SEC23A: variants seen among roughly 807,000 people sequenced by gnomAD.
The protein encoded by SEC23A is SEC23 homolog A, COPII component.
A neutral mutation model predicts 103.7 loss-of-function variants in SEC23A; 56 were observed. The observed-to-expected ratio is 0.54, with a 90% CI of 0.44 to 0.67. The LOEUF (loss-of-function observed/expected upper bound fraction) is 0.67, where lower values mean the gene tolerates loss of function less well. Among genes scored for constraint, SEC23A ranks in the 30% least tolerant of loss-of-function variants. SEC23A has a pLI of 0.00. For synonymous variants in SEC23A, 281 were observed against 293.0 expected (o/e 0.96, Z 0.42); for missense variants, 784 against 936.4 (o/e 0.84, Z 2.12).
intron 7 of SEC23A, among the ~76,000 whole-genome samples, chr14:39,077,197 T>TCC (rs1376404325): frequency 1.7e-5 from 2 of 115,568 alleles, no homozygotes; most frequent in South Asian, 2.9e-4. Flanking sequence ...CACTGCACCT[T>TCC]AGCCTGGGCA....
In SEC23A at chr14:39,093,251, T is replaced by C; in HGVS notation, c.222-7A>G. ...TGCTCGATAATCCACTTGACTGTTT[T>C]AAAAAAAAAGAAAAGACATATCAGT... On this transcript the variant is annotated splice_polypyrimidine_tract_variant and splice_region_variant and intron_variant, in intron 2 of 19. Transcript: ENST00000307712. 2 of 1,593,390 alleles carry C rather than the reference T, an allele frequency of 1.3e-6. No individual in the cohort carries two copies. The highest frequency in any genetic ancestry group is 1.7e-6 in the Non-Finnish European group (2 of 1,167,690).
chr14:39,067,854 G>A (rs1291036755), intron 9 of SEC23A, among the ~76,000 whole-genome samples: 1 of 151,606 alleles, frequency 6.6e-6, no homozygotes, highest in African/African-American at 2.4e-5. Flanking sequence ...TTTTTTTGTA[G>A]AGATAGGGTT....
rs139104327 is a variant in SEC23A, at chr14:39,099,519, G to T, written c.-21-3380C>A. Among the ~76,000 whole-genome samples the T allele has an allele frequency of 2.0e-4, 31 of 152,198 alleles. No individual in the cohort carries two copies. The East Asian group carries it at 5.4e-3, about 27-fold the overall frequency. ...GCTTGACAAGTTCCTAATATGTAAAGATTTTTCTGATGAGATCAGTGTTGG... is the reference window on the plus strand; with the variant it reads ...GCTTGACAAGTTCCTAATATGTAAATATTTTTCTGATGAGATCAGTGTTGG... On this transcript the variant is annotated intron_variant, in intron 1 of 19. Transcript: ENST00000307712.
rs1452611465 is a variant in SEC23A, at chr14:39,048,707, T to C, written c.1682A>G (p.His561Arg). Residue 561 changes from histidine (H) to arginine (R), a missense_variant, in exon 15 of 20, where the codon CAT (histidine) becomes CGT (arginine). His to Arg is a conservative substitution (Grantham distance 29). Around this residue, in one of 2 missense-constraint regions of SEC23A, gnomAD observed 683 missense variants for 774.2 expected, o/e 0.88. Transcript: ENST00000307712. ...TCTGAAGGAACTTGGGTCATCTTTA[T>C]GATATTCTCCAAATTTCTGACACTA... ...IRLCQKFGEYHKDDPSSFRFS... is the reference protein window; with the variant it reads ...IRLCQKFGEYRKDDPSSFRFS... The C allele has an allele frequency of 6.3e-7, 1 of 1,586,130 alleles. No homozygotes were observed.
At chr14:39,045,800 T>G (rs1488720883) in intron 15 of SEC23A, among the ~76,000 whole-genome samples, 4 of 152,240 alleles carry the variant, frequency 2.6e-5, no homozygotes, top group Admixed American at 6.5e-5. Flanking sequence ...TGACCATATC[T>G]TTGGGCTTTT....
intron 1 of SEC23A, among the ~76,000 whole-genome samples, chr14:39,098,905 A>T (rs72673307): frequency 0.1 from 15,952 of 152,006 alleles, 984 homozygotes; most frequent in African/African-American, 0.17. Context: ...AACAAAAAAA[A>T]AAAATAAAAT....
At chr14:39,038,429 A>G (rs1269710204) in intron 19 of SEC23A, among the ~76,000 whole-genome samples, 2 of 152,220 alleles carry the variant, frequency 1.3e-5, no homozygotes, top group African/African-American at 2.4e-5. Flanking sequence ...GGCATGGGTA[A>G]TAACTGCACC....
At position 39,061,840 on chromosome 14, in the gene SEC23A, C is replaced by A. The variant is rs1886491609; in HGVS notation, c.1430G>T (p.Gly477Val). The change falls in exon 13 of 20, where the codon GGT becomes GTT. Residue 477 changes from glycine to valine, a missense_variant. Physicochemically the swap from Gly to Val is moderately radical, Grantham distance 109 (BLOSUM62 -3). This residue lies in a region of SEC23A where 683 missense variants were observed against 774.2 expected (regional missense o/e 0.88). Transcript: ENST00000307712. ...HNAPIPQGGR[G>V]AIQFVTQYQH... ...ATACTGAGTCACAAACTGGATTGCA[C>A]CACGCCCTCCTTGAGGAATTGGAGC... 6.2e-7 allele frequency: 1 copy of A among 1,613,732 alleles called. No homozygotes were observed. The highest frequency in any genetic ancestry group is 1.3e-5 in the African/African-American group (1 of 74,912).
chr14:39,048,123 T>C (rs978640985), intron 15 of SEC23A, among the ~76,000 whole-genome samples: 1 of 152,166 alleles, frequency 6.6e-6, no homozygotes. Flanking sequence ...GGTTCCAGAA[T>C]AAGTCTCTAT....
intron 3 of SEC23A, 62 bp downstream of exon 3, chr14:39,093,125 C>G (rs1379781240): frequency 7.0e-7 from 1 of 1,419,418 alleles, no homozygotes; most frequent in Non-Finnish European, 9.9e-7. Context: ...CCTCGGCCTC[C>G]CAAAGTGCTG....
In SEC23A at chr14:39,041,037, T is replaced by C. The variant is rs564232267; in HGVS notation, c.1987-150A>G. On this transcript the variant is annotated intron_variant, in intron 17 of 19. Coordinates refer to ENST00000307712, the MANE Select transcript of SEC23A (RefSeq NM_006364.4). Reference sequence around the variant, plus strand: ...AATTTTTTAAAAGTTACAATTTCAGTAGAGAAAATATTCTTAATAAATATA... The same window carrying C: ...AATTTTTTAAAAGTTACAATTTCAGCAGAGAAAATATTCTTAATAAATATA... 4 of 730,330 alleles carry C rather than the reference T, an allele frequency of 5.5e-6. No homozygotes were observed. In the South Asian group the frequency reaches 7.8e-5, roughly 14 times the overall value. The allele number at this position is 730,330 out of a possible 1,614,324, so 45.2% of individuals were successfully genotyped here.
chr14:39,091,745 T>C (rs377271642), intron 4 of SEC23A, 32 bp from the exon 5 acceptor site: 11 of 1,461,846 alleles, frequency 7.5e-6, no homozygotes, highest in Non-Finnish European at 9.6e-6. Context: ...AGAAAAAATA[T>C]GTAGTTTAAA....
chr14:39,077,643 C>A (rs1447509411), intron 7 of SEC23A, among the ~76,000 whole-genome samples: 2 of 152,156 alleles, frequency 1.3e-5, no homozygotes, highest in Admixed American at 6.5e-5. Context: ...GGATTGAATA[C>A]CCCAATCTAC....
intron 7 of SEC23A, 89 bp downstream of exon 7, chr14:39,085,673 T>C: frequency 1.3e-6 from 2 of 1,490,130 alleles, no homozygotes; most frequent in Non-Finnish European, 1.8e-6. Flanking sequence ...GTTCTTCTTA[T>C]CCTTATAATT....
In SEC23A at chr14:39,075,978, T is replaced by G; in HGVS notation, c.944A>C (p.Asp315Ala). The G allele has an allele frequency of 1.2e-6, 2 of 1,614,028 alleles. No homozygotes were observed. Among genetic ancestry groups the G allele is most frequent in the Non-Finnish European group, 1.7e-6 (2 of 1,179,948 alleles). The change falls in exon 8 of 20, where the codon GAC becomes GCC. Residue 315 changes from aspartate (D) to alanine (A), a missense_variant. Asp to Ala is a moderately radical substitution (Grantham distance 126, BLOSUM62 -2). Transcript: ENST00000307712. ...ELKTPIRSWH[D>A]IDKDNAKYVK... is the part of the protein sequence containing the mutation. Reference sequence around the variant, plus strand: ...ATATTTGGCATTGTCTTTGTCAATGTCATGCCACGATCTTATAGGTGTCTT... The same window carrying G: ...ATATTTGGCATTGTCTTTGTCAATGGCATGCCACGATCTTATAGGTGTCTT...
chr14:39,076,033 CCT>C lies in SEC23A; in HGVS notation c.887_888del (p.Gln296ArgfsTer9). 6.2e-7 allele frequency: 1 copy of C among 1,613,746 alleles called. No homozygotes were observed. The highest frequency in any genetic ancestry group is 8.5e-7 in the Non-Finnish European group (1 of 1,179,878). ...TCATCTCCAACCACCATTCCAGGCC[CCT>C]GAGTAGCAGGACCACCAATGAACAT... is the stretch of plus-strand genomic sequence containing the variant. ...IMMFIGGPAT[Q>X]GPGMVVGDEL... On this transcript the variant is annotated frameshift_variant, in exon 8 of 20. Coordinates refer to ENST00000307712, the MANE Select transcript of SEC23A (RefSeq NM_006364.4). LOFTEE classifies it high-confidence loss of function.
intron 10 of SEC23A, 43 bp from the exon 11 acceptor site, chr14:39,065,036 C>A (rs370334631): frequency 4.0e-6 from 5 of 1,257,798 alleles, no homozygotes; most frequent in Non-Finnish European, 5.8e-6. Context: ...CTCAAAGATA[C>A]GTTCAAATGT....
intron 5 of SEC23A, chr14:39,091,143 A>T (rs1409933490): frequency 5.4e-6 from 2 of 372,572 alleles, no homozygotes; most frequent in African/African-American, 2.1e-5. Context: ...TGAACTCTTA[A>T]GAAAAAAAAA....
chr14:39,063,423 T>C lies in SEC23A; in HGVS notation c.1309-10A>G. On this transcript the variant is annotated splice_polypyrimidine_tract_variant and intron_variant, in intron 11 of 19. Coordinates refer to ENST00000307712, the MANE Select transcript of SEC23A (RefSeq NM_006364.4). ...CACCTGTTCCTATCTCCTGTAAAAATAAAATATAGCATGTTTGAAAGCTAG... is the reference window on the plus strand; with the variant it reads ...CACCTGTTCCTATCTCCTGTAAAAACAAAATATAGCATGTTTGAAAGCTAG... 5 of 1,533,956 alleles carry C rather than the reference T, an allele frequency of 3.3e-6. No homozygotes were observed. The highest frequency in any genetic ancestry group is 4.5e-6 in the Non-Finnish European group (5 of 1,108,264).
Sources: allele counts gnomAD v4.1 joint callset (sites outside exome capture counted in the v4.1 genomes callset), GRCh38; gene constraint gnomAD v4.1.1; regional missense constraint gnomAD v4.1.1; transcripts MANE v1.5; gene names NCBI Gene and HGNC (gene_info 2026-07-23, HGNC 2026-07-21).